DLGAP2: variants seen among roughly 807,000 people sequenced by gnomAD.
The protein encoded by DLGAP2 is disks large-associated protein 2.
DLGAP2 carries 26 observed loss-of-function variants against 100.3 expected under a neutral mutation model. The ratio of observed to expected loss-of-function variants is 0.26; its 90% CI spans 0.19 to 0.36. The LOEUF is 0.36. DLGAP2 is among the 10% of genes least tolerant of loss of function. DLGAP2 has a pLI of 1.00. For synonymous variants in DLGAP2, 886 were observed against 630.1 expected, an observed-to-expected ratio of 1.41 and a Z score of -6.08; for missense variants, 1,858 against 1,453.2, an observed-to-expected ratio of 1.28 and a Z score of -4.53.
intron 3 of DLGAP2, among the ~76,000 whole-genome samples, chr8:1,330,739 GAGTTCTGGGTGGGAGCACCGCTTCATC>G (rs1801136331): frequency 7.2e-6 from 1 of 139,750 alleles, no homozygotes; most frequent in African/African-American, 2.8e-5. Flanking sequence ...CACCAGGACT[GAGTTCTGGGTGGGAGCACCGCTTCATC>G]GGGACCGAGT....
chr8:989,880 A>T (rs1467300877), intron 2 of DLGAP2, among the ~76,000 whole-genome samples: 1 of 152,136 alleles, frequency 6.6e-6, no homozygotes, highest in Non-Finnish European at 1.5e-5. Context: ...TTAAAAAATT[A>T]TATGATTTTT....
Position 926,558 on chromosome 8 carries a change from G to A in DLGAP2, c.73+18592G>A, listed in dbSNP as rs183668213. Among the ~76,000 whole-genome samples the A allele has an allele frequency of 9.8e-4, 149 of 152,382 alleles. 1 individual carries two copies. Among genetic ancestry groups the A allele is most frequent in the African/African-American group, 3.5e-3 (144 of 41,608 alleles). On this transcript the variant is annotated intron_variant, in intron 2 of 14. Transcript: ENST00000637795. The stretch of plus-strand genomic sequence containing the variant: ...GCCCATTGCTCTCCTGGCTCCTGGA[G>A]GGCACAGTGGGCTCTGCTCCTGCTG...
At chr8:1,609,103 T>G (rs1364308748) in intron 6 of DLGAP2, among the ~76,000 whole-genome samples, 3 of 124,474 alleles carry the variant, frequency 2.4e-5, no homozygotes, top group African/African-American at 8.3e-5. Flanking sequence ...TTCACCAAAA[T>G]GGAAATGAAG....
intron 3 of DLGAP2, among the ~76,000 whole-genome samples, chr8:1,377,104 T>C (rs1199943102): frequency 6.6e-6 from 1 of 152,170 alleles, no homozygotes; most frequent in African/African-American, 2.4e-5. Context: ...AGCTTCCAGA[T>C]AGGCGTGTGC....
intron 6 of DLGAP2, among the ~76,000 whole-genome samples, chr8:1,584,924 G>C (rs1321525192): frequency 6.6e-6 from 1 of 151,914 alleles, no homozygotes; most frequent in Non-Finnish European, 1.5e-5. Context: ...ACCAACTCTA[G>C]TCTTATTCTA....
intron 2 of DLGAP2, among the ~76,000 whole-genome samples, chr8:1,198,306 C>T (rs1471456818): frequency 6.6e-6 from 1 of 152,092 alleles, no homozygotes; most frequent in Admixed American, 6.5e-5. Context: ...AGAAAGCAGC[C>T]CAGAAAAACC....
chr8:1,093,102 C>T (rs1046321506), intron 2 of DLGAP2, among the ~76,000 whole-genome samples: 5 of 152,310 alleles, frequency 3.3e-5, no homozygotes, highest in South Asian at 2.1e-4. Context: ...CCTTGGGGAC[C>T]GCACGCTTCT....
In DLGAP2 at chr8:930,121, C is replaced by T. The variant is rs1038170407; in HGVS notation, c.73+22155C>T. On this transcript the variant is annotated intron_variant, in intron 2 of 14. Coordinates refer to ENST00000637795, the MANE Select transcript of DLGAP2 (RefSeq NM_001346810.2). ...TGAAGGCTGAGAATTCTGACTCAGA[C>T]CTGGCGACCCTGGCCTCTCCTTTTT... 5.9e-5 allele frequency among the ~76,000 whole-genome samples: 9 copies of T among 152,228 alleles called. No homozygotes were observed. The East Asian group carries it at 1.6e-3, about 26-fold the overall frequency.
chr8:1,294,360 C>CCGT (rs1800124456), intron 3 of DLGAP2, among the ~76,000 whole-genome samples: 1 of 152,326 alleles, frequency 6.6e-6, no homozygotes, highest in African/African-American at 2.4e-5. Context: ...TTGGCACTCT[C>CCGT]CGTCGTCGTC....
At chr8:1,298,025 ACGTGG>A (rs1800230239) in intron 3 of DLGAP2, among the ~76,000 whole-genome samples, 1 of 30,434 alleles carries the variant, frequency 3.3e-5, no homozygotes, top group African/African-American at 3.8e-4. Flanking sequence ...GGGAGGAGAA[ACGTGG>A]CAGGCGTGAA....
chr8:1,007,718 T>C (rs940954463), intron 2 of DLGAP2, among the ~76,000 whole-genome samples: 2 of 152,026 alleles, frequency 1.3e-5, no homozygotes, highest in African/African-American at 4.8e-5. Context: ...CCAGCAGTGA[T>C]GGAAACCTTC....
At chr8:1,697,100 C>T in intron 13 of DLGAP2, 47 bp from the exon 14 acceptor site, 1 of 1,475,126 alleles carries the variant, frequency 6.8e-7, no homozygotes, top group Non-Finnish European at 9.0e-7. Flanking sequence ...CAGCCCTGTG[C>T]CCGCAGGAGA....
rs112783348 is a variant in DLGAP2, at chr8:1,661,045, G to A, written c.1811-7284G>A. Among the ~76,000 whole-genome samples the A allele has an allele frequency of 4.2e-3, 644 of 152,316 alleles. 5 individuals carry two copies. Among genetic ancestry groups the A allele is most frequent in the African/African-American group, 0.014 (599 of 41,590 alleles). ...GTTTCTGCTGGCAAGGGTTGGGGGA[G>A]GCTAGGGGACAAATCCATGTAAAGA... On this transcript the variant is annotated intron_variant, in intron 8 of 14. Transcript: ENST00000637795.
intron 2 of DLGAP2, among the ~76,000 whole-genome samples, chr8:1,162,193 G>A (rs1796906400): frequency 6.6e-6 from 1 of 152,212 alleles, no homozygotes; most frequent in South Asian, 2.1e-4. Flanking sequence ...TCGGAGGCGA[G>A]GGAGGCGGCG....
chr8:1,214,332 C>G (rs546249061), intron 2 of DLGAP2, among the ~76,000 whole-genome samples: 1 of 152,232 alleles, frequency 6.6e-6, no homozygotes. Context: ...CTCAGGTGAT[C>G]GTTTTTCCGT....
intron 2 of DLGAP2, among the ~76,000 whole-genome samples, chr8:1,188,014 C>G (rs1797549492): frequency 7.9e-6 from 1 of 126,632 alleles, no homozygotes; most frequent in Admixed American, 7.2e-5. Context: ...CGGAATCTCA[C>G]ACGCCCGGGA....
At chr8:1,537,744 A>T (rs989862580) in intron 4 of DLGAP2, among the ~76,000 whole-genome samples, 1 of 138,670 alleles carries the variant, frequency 7.2e-6, no homozygotes. Flanking sequence ...GAAGGAAGGA[A>T]GGAAGGAAGG....
At chr8:1,429,426 G>T (rs1563141525) in intron 3 of DLGAP2, among the ~76,000 whole-genome samples, 1 of 152,278 alleles carries the variant, frequency 6.6e-6, no homozygotes, top group Non-Finnish European at 1.5e-5. Context: ...GTCCAGGATT[G>T]TGTCTTGTTC....
intron 3 of DLGAP2, among the ~76,000 whole-genome samples, chr8:1,309,655 G>A (rs372631235): frequency 5.1e-4 from 78 of 152,308 alleles, no homozygotes; most frequent in East Asian, 2.5e-3. Flanking sequence ...GGTCTTCAGC[G>A]ATGGTGAATA....
Sources: allele counts gnomAD v4.1 joint callset (sites outside exome capture counted in the v4.1 genomes callset), GRCh38; gene constraint gnomAD v4.1.1; transcripts MANE v1.5; gene names NCBI Gene and HGNC (gene_info 2026-07-23, HGNC 2026-07-21).